Variants in UBE3D observed in about 807,000 individuals in gnomAD.
UBE3D encodes the protein ubiquitin protein ligase E3D.
In UBE3D, 48 loss-of-function variants were observed where a neutral mutation model predicts 49.6. The ratio of observed to expected loss-of-function variants is 0.97; its 90% CI spans 0.77 to 1.23. The LOEUF (loss-of-function observed/expected upper bound fraction) is 1.23. Ranked by LOEUF, UBE3D falls within the 50% of genes most tolerant of loss-of-function variation. The pLI is 0.00. For synonymous variants in UBE3D, 189 were observed against 174.2 expected, an observed-to-expected ratio of 1.08 and a Z score of -0.67; for missense variants, 452 against 468.4, an observed-to-expected ratio of 0.96 and a Z score of 0.32.
intron 8 of UBE3D, among the ~76,000 whole-genome samples, chr6:83,008,512 A>C (rs1255235949): frequency 6.6e-6 from 1 of 152,186 alleles, no homozygotes. Context: ...GGGGAGGATG[A>C]AAAACAATAC....
intron 8 of UBE3D, among the ~76,000 whole-genome samples, chr6:83,012,973 G>A (rs1780449962): frequency 6.6e-6 from 1 of 152,184 alleles, no homozygotes; most frequent in Non-Finnish European, 1.5e-5. Context: ...TCTGTCAACT[G>A]ATCATAGGGA....
chr6:82,882,940 A>G, the UBE3D span, among the ~76,000 whole-genome samples: 1 of 152,206 alleles, frequency 6.6e-6, no homozygotes, highest in Non-Finnish European at 1.5e-5. Context: ...TACTAACTAG[A>G]CAATAAATTT....
chr6:82,921,369 C>A (rs1458950726), intron 9 of UBE3D, among the ~76,000 whole-genome samples: 1 of 152,122 alleles, frequency 6.6e-6, no homozygotes, highest in Admixed American at 6.5e-5. Flanking sequence ...ACAGAATTTT[C>A]CCTAAGGCTT....
At chr6:82,919,751 G>A (rs78359815) in intron 9 of UBE3D, among the ~76,000 whole-genome samples, 2,711 of 152,174 alleles carry the variant, frequency 0.018, 78 homozygotes, top group African/African-American at 0.062. Flanking sequence ...AAATCACCAC[G>A]GAGACTGCCT....
chr6:83,045,218 T>C (rs146779615), intron 3 of UBE3D, among the ~76,000 whole-genome samples: 1 of 152,078 alleles, frequency 6.6e-6, no homozygotes, highest in Non-Finnish European at 1.5e-5. Context: ...ATGCATATTT[T>C]AAAACCCAAC....
intron 1 of UBE3D, among the ~76,000 whole-genome samples, chr6:83,063,443 GA>G (rs1784305944): frequency 8.4e-6 from 1 of 118,882 alleles, no homozygotes; most frequent in Non-Finnish European, 1.8e-5. Flanking sequence ...AAAAAGAAAA[GA>G]AAATGAAAAG....
At chr6:82,889,924 C>T (rs541401931), downstream of UBE3D, among the ~76,000 whole-genome samples, 104 of 151,060 alleles carry the variant, frequency 6.9e-4, no homozygotes, top group Admixed American at 2.1e-3. Flanking sequence ...TAACTTTATA[C>T]TAGATAAAAA....
At chr6:82,977,263 C>G (rs1283148688) in intron 8 of UBE3D, among the ~76,000 whole-genome samples, 1 of 151,660 alleles carries the variant, frequency 6.6e-6, no homozygotes, top group Non-Finnish European at 1.5e-5. Context: ...TGATCTCTAT[C>G]AGATATGCCT....
chr6:83,053,123 T>A (rs1783579184), intron 3 of UBE3D, among the ~76,000 whole-genome samples: 1 of 149,162 alleles, frequency 6.7e-6, no homozygotes, highest in African/African-American at 2.5e-5. Context: ...ACATGAGATT[T>A]TTTTGGCAAT....
chr6:82,943,784 T>C (rs1775195801), intron 9 of UBE3D, among the ~76,000 whole-genome samples: 1 of 151,808 alleles, frequency 6.6e-6, no homozygotes, highest in Non-Finnish European at 1.5e-5. Flanking sequence ...CCACAGCACC[T>C]GCACAGCTCA....
chr6:82,893,516 T>C (rs1771089520), intron 9 of UBE3D, among the ~76,000 whole-genome samples: 1 of 152,174 alleles, frequency 6.6e-6, no homozygotes, highest in Non-Finnish European at 1.5e-5. Context: ...TTAAAAAAAA[T>C]TAATTCACAC....
chr6:82,898,218 T>C (rs9361983), intron 9 of UBE3D, among the ~76,000 whole-genome samples: 17,563 of 152,262 alleles, frequency 0.12, 1,297 homozygotes, highest in Admixed American at 0.26. Context: ...GGAAAGCTTT[T>C]ACACTGTTGG....
At position 83,044,570 on chromosome 6, in the gene UBE3D, T is replaced by G; in HGVS notation, c.455A>C (p.Lys152Thr). 6.2e-7 allele frequency: 1 copy of G among 1,614,066 alleles called. No individual in the cohort carries two copies. Among genetic ancestry groups the G allele is most frequent in the Non-Finnish European group, 8.5e-7 (1 of 1,179,990 alleles). The change falls in exon 4 of 10, where the codon AAA becomes ACA. Residue 152 changes from lysine (K) to threonine (T), a missense_variant. By Grantham distance (78) the Lys-to-Thr change is moderately conservative. Coordinates refer to ENST00000369747, the MANE Select transcript of UBE3D (RefSeq NM_198920.3). ...GTCATTCTCTTGCGGATGAAGTGAT[T>G]TATTAGCAAAGGGGTCAGGATGACA... ...WCCHPDPFAN[K>T]SLHPQENDCF...
intron 9 of UBE3D, among the ~76,000 whole-genome samples, chr6:82,900,073 A>T (rs1234493362): frequency 6.6e-6 from 1 of 152,204 alleles, no homozygotes; most frequent in Non-Finnish European, 1.5e-5. Flanking sequence ...TTCCTATGGA[A>T]TATCTGCAGG....
intron 8 of UBE3D, among the ~76,000 whole-genome samples, chr6:82,985,320 T>C (rs1124630): frequency 0.68 from 103,490 of 151,878 alleles, 35,969 homozygotes; most frequent in East Asian, 0.82. Flanking sequence ...AATTCATCCA[T>C]ATTTTCTTTT....
intron 8 of UBE3D, among the ~76,000 whole-genome samples, chr6:83,004,125 A>G (rs1228811043): frequency 6.6e-6 from 1 of 152,194 alleles, no homozygotes; most frequent in Admixed American, 6.5e-5. Flanking sequence ...TCAGATATGA[A>G]CATACTGTAA....
intron 5 of UBE3D, among the ~76,000 whole-genome samples, chr6:83,032,692 A>G (rs1362944924): frequency 6.6e-6 from 1 of 152,032 alleles, no homozygotes; most frequent in African/African-American, 2.4e-5. Flanking sequence ...CCCAAATCTC[A>G]TCTTGAATTG....
At chr6:83,031,239 C>T (rs113729881) in intron 5 of UBE3D, among the ~76,000 whole-genome samples, 8 of 152,290 alleles carry the variant, frequency 5.3e-5, no homozygotes, top group Non-Finnish European at 1.2e-4. Context: ...GAACTCCTGA[C>T]GTCAAGTGAT....
intron 8 of UBE3D, among the ~76,000 whole-genome samples, chr6:82,992,898 G>A (rs1778989450): frequency 6.6e-6 from 1 of 151,852 alleles, no homozygotes; most frequent in Admixed American, 6.6e-5. Flanking sequence ...CAGATAAGTG[G>A]CGATGGTTTA....
Sources: gnomAD v4.1 joint callset for allele counts (sites outside exome capture counted in the v4.1 genomes callset) on GRCh38, gnomAD v4.1.1 for gene constraint, MANE v1.5 for transcripts, NCBI Gene and HGNC (gene_info 2026-07-23, HGNC 2026-07-21) for gene names.